The following MEF2D variants were observed in gnomAD, a reference collection of about 807,000 sequenced individuals.
The protein encoded by MEF2D is myocyte-specific enhancer factor 2D.
A neutral mutation model predicts 59.3 loss-of-function variants in MEF2D; 10 were observed. The ratio of observed to expected loss-of-function variants is 0.17; its 90% CI spans 0.10 to 0.29. The LOEUF is 0.29. MEF2D is among the 10% of genes least tolerant of loss of function. The pLI, the probability that MEF2D is intolerant of heterozygous loss-of-function variation, is 1.00. For missense variants in MEF2D, 508 were observed against 699.4 expected, an observed-to-expected ratio of 0.73 and a Z score of 3.09; for synonymous variants, 305 against 295.0, an observed-to-expected ratio of 1.03 and a Z score of -0.35.
intron 1 of MEF2D, among the ~76,000 whole-genome samples, chr1:156,496,617 CT>C (rs1673144810): frequency 6.6e-6 from 1 of 152,202 alleles, no homozygotes; most frequent in Admixed American, 6.5e-5. Context: ...CCTTCGCCTT[CT>C]TGCCTCCGGT....
At chr1:156,489,735 A>G (rs1000861765) in intron 1 of MEF2D, among the ~76,000 whole-genome samples, 1 of 152,142 alleles carries the variant, frequency 6.6e-6, no homozygotes. Flanking sequence ...AGGGAGAGGC[A>G]AGGGGGCCCT....
In MEF2D at chr1:156,466,307, A is replaced by G. The variant is rs1325943661; in HGVS notation, c.*1338T>C. On this transcript the variant is annotated 3_prime_UTR_variant, in exon 12 of 12. Transcript: ENST00000348159. The stretch of plus-strand genomic sequence containing the variant: ...ATATCAATACAACAACAACAAAAAA[A>G]AACAGTTTCCTGGACTGTTACACCG... 1 of 152,686 alleles carries G rather than the reference A, an allele frequency of 6.5e-6. No homozygotes were observed. The highest frequency in any genetic ancestry group is 1.5e-5 in the Non-Finnish European group (1 of 68,056). 9.5% of individuals were successfully genotyped at this position (152,686 alleles called of 1,614,324 possible).
In MEF2D at chr1:156,480,817, G is replaced by A. The variant is rs372583330; in HGVS notation, c.396+17C>T. On this transcript the variant is annotated intron_variant, in intron 4 of 11. Coordinates refer to ENST00000348159, the MANE Select transcript of MEF2D (RefSeq NM_005920.4). Reference sequence around the variant, plus strand: ...CCGGAAGGGGGGGCCAACAGAGACAGAGTGAGTGGGGCTCACCCCATAGCG... The same window carrying A: ...CCGGAAGGGGGGGCCAACAGAGACAAAGTGAGTGGGGCTCACCCCATAGCG... The A allele has an allele frequency of 2.6e-4, 421 of 1,593,716 alleles. No homozygotes were observed. The highest frequency in any genetic ancestry group is 3.4e-4 in the Middle Eastern group (2 of 5,924).
chr1:156,495,247 C>T (rs1673063443), intron 1 of MEF2D, among the ~76,000 whole-genome samples: 1 of 152,142 alleles, frequency 6.6e-6, no homozygotes, highest in Non-Finnish European at 1.5e-5. Flanking sequence ...CTCCGTGGGC[C>T]TCCTTTCCAT....
intron 9 of MEF2D, among the ~76,000 whole-genome samples, chr1:156,471,971 T>C (rs1274246381): frequency 6.6e-6 from 1 of 152,234 alleles, no homozygotes; most frequent in Non-Finnish European, 1.5e-5. Flanking sequence ...ACTGCTTTCA[T>C]GCCAGAGTGA....
chr1:156,476,601 C>G, intron 7 of MEF2D, 87 bp from the exon 8 acceptor site: 1 of 1,521,740 alleles, frequency 6.6e-7, no homozygotes, highest in Non-Finnish European at 9.0e-7. Flanking sequence ...GTTCCAGTCA[C>G]CTCTCTGCAT....
In MEF2D at chr1:156,480,980, G is replaced by A. The variant is rs977304025; in HGVS notation, c.259-9C>T. 7.4e-6 allele frequency: 12 copies of A among 1,611,410 alleles called. No individual in the cohort carries two copies. The highest frequency in any genetic ancestry group is 1.0e-5 in the Non-Finnish European group (12 of 1,179,844). On this transcript the variant is annotated splice_polypyrimidine_tract_variant and intron_variant, in intron 3 of 11. Coordinates refer to ENST00000348159, the MANE Select transcript of MEF2D (RefSeq NM_005920.4). ...CCCTTCTTCCTCAGGGTCTGTAACCGCACCACTGCCATCAGCTGGGTGAGA... is the reference window on the plus strand; with the variant it reads ...CCCTTCTTCCTCAGGGTCTGTAACCACACCACTGCCATCAGCTGGGTGAGA...
At chr1:156,488,626 G>A (rs1173912166) in intron 1 of MEF2D, among the ~76,000 whole-genome samples, 1 of 152,202 alleles carries the variant, frequency 6.6e-6, no homozygotes, top group Non-Finnish European at 1.5e-5. Context: ...CCGTAAAGGA[G>A]GACTGGTTTG....
At chr1:156,476,914 C>CT in intron 7 of MEF2D, 98 bp downstream of exon 7, 3 of 1,410,664 alleles carry the variant, frequency 2.1e-6, no homozygotes, top group Middle Eastern at 5.0e-4. Context: ...GTCCTAACTG[C>CT]TGGCTAGCCT....
At position 156,465,669 on chromosome 1, in the gene MEF2D, T is replaced by A. The variant is rs1670794295; in HGVS notation, c.*1976A>T. On this transcript the variant is annotated 3_prime_UTR_variant, in exon 12 of 12. Transcript: ENST00000348159. ...ACACATAAATACAAAAGTACACCCG[T>A]GCAATCAGACATACACACACACACA... 1 of 151,786 alleles carries A rather than the reference T, an allele frequency of 6.6e-6. No individual in the cohort carries two copies. The highest frequency in any genetic ancestry group is 2.4e-5 in the African/African-American group (1 of 40,940). The allele number at this position is 151,786 out of a possible 1,614,324, so 9.4% of individuals were successfully genotyped here.
At chr1:156,476,295 G>T (rs1380756009) in intron 8 of MEF2D, among the ~76,000 whole-genome samples, 199 bp downstream of exon 8, 4 of 152,110 alleles carry the variant, frequency 2.6e-5, no homozygotes, top group African/African-American at 9.7e-5. Context: ...ACACACACAC[G>T]TCTGACCTCT....
intron 1 of MEF2D, among the ~76,000 whole-genome samples, chr1:156,496,233 T>C (rs1220366648): frequency 6.6e-6 from 1 of 152,184 alleles, no homozygotes; most frequent in Non-Finnish European, 1.5e-5. Flanking sequence ...GGCTTAGATG[T>C]AGTCTTGATG....
At position 156,466,966 on chromosome 1, in the gene MEF2D, G is replaced by GC. The variant is rs1448174371; in HGVS notation, c.*678dup. The GC allele has an allele frequency of 3.9e-5, 6 of 152,552 alleles. No individual in the cohort carries two copies. The highest frequency in any genetic ancestry group is 5.9e-5 in the Non-Finnish European group (4 of 68,126). 9.4% of individuals were successfully genotyped at this position (152,552 alleles called of 1,614,324 possible). A position where few individuals can be genotyped will look rare whatever the true frequency, so the allele number is the denominator to read the frequency against. On this transcript the variant is annotated 3_prime_UTR_variant, in exon 12 of 12. Coordinates refer to ENST00000348159, the MANE Select transcript of MEF2D (RefSeq NM_005920.4). ...CTCAGATTCCCAGGCTGCCTTCCCGGCCCAAAGCTCAGCCAGCACCCACAC... is the reference window on the plus strand; with the variant it reads ...CTCAGATTCCCAGGCTGCCTTCCCGGCCCCAAAGCTCAGCCAGCACCCACAC...
intron 4 of MEF2D, 90 bp downstream of exon 4, chr1:156,480,744 G>A: frequency 6.2e-7 from 1 of 1,611,300 alleles, no homozygotes; most frequent in Non-Finnish European, 8.5e-7. Context: ...TCCACCTCAG[G>A]GCTCTCACAT....
intron 9 of MEF2D, 52 bp downstream of exon 9, chr1:156,475,056 T>G: frequency 6.2e-7 from 1 of 1,612,144 alleles, no homozygotes; most frequent in Admixed American, 1.7e-5. Context: ...GTCTGGTCAC[T>G]TGCCTGCCCC....
intron 4 of MEF2D, 123 bp downstream of exon 4, chr1:156,480,710 TG>T (rs1212474992): frequency 1.9e-6 from 3 of 1,609,370 alleles, no homozygotes; most frequent in African/African-American, 1.3e-5. Flanking sequence ...CTCTTCCGTC[TG>T]GGGGGTCAGG....
At chr1:156,470,433 G>A (rs898086378) in intron 9 of MEF2D, among the ~76,000 whole-genome samples, 30 of 150,462 alleles carry the variant, frequency 2.0e-4, no homozygotes, top group Admixed American at 1.4e-3. Context: ...AAAAAAAAAA[G>A]AAAGAAAGAA....
Position 156,479,273 on chromosome 1 carries a change from A to C in MEF2D, c.664+17T>G. The C allele has an allele frequency of 6.2e-7, 1 of 1,602,684 alleles. No individual in the cohort carries two copies. The highest frequency in any genetic ancestry group is 8.5e-7 in the Non-Finnish European group (1 of 1,175,522). ...GCACCCCTCCCCACCTCCAGGTAGA[A>C]GGATGACTGCACTCACCAACAGGGC... On this transcript the variant is annotated intron_variant, in intron 6 of 11. Coordinates refer to ENST00000348159, the MANE Select transcript of MEF2D (RefSeq NM_005920.4).
At chr1:156,487,137 C>T (rs1672424519) in intron 1 of MEF2D, among the ~76,000 whole-genome samples, 1 of 152,212 alleles carries the variant, frequency 6.6e-6, no homozygotes, top group Non-Finnish European at 1.5e-5. Flanking sequence ...GCAACTGTCG[C>T]CTGGCAACCA....
Sources: gnomAD v4.1 joint callset for allele counts (sites outside exome capture counted in the v4.1 genomes callset) on GRCh38, gnomAD v4.1.1 for gene constraint, MANE v1.5 for transcripts, NCBI Gene and HGNC (gene_info 2026-07-23, HGNC 2026-07-21) for gene names.